DCHS2: variants seen among roughly 807,000 people sequenced by gnomAD.
DCHS2 encodes dachsous cadherin-related 2.
In DCHS2, 142 loss-of-function variants were observed where a neutral mutation model predicts 182.4. The observed-to-expected ratio is 0.78, with a 90% CI of 0.68 to 0.89. DCHS2 has a LOEUF of 0.89. Ranked by LOEUF, DCHS2 falls within the 40% of genes least tolerant of loss-of-function variation. DCHS2 has a pLI of 0.00. For missense variants in DCHS2, 4,319 were observed against 4,198.6 expected, an observed-to-expected ratio of 1.03 and a Z score of -0.79; for synonymous variants, 1,740 against 1,663.3, an observed-to-expected ratio of 1.05 and a Z score of -1.12.
At chr4:154,381,933 AT>A (rs1386228424) in intron 1 of DCHS2, among the ~76,000 whole-genome samples, 2 of 152,188 alleles carry the variant, frequency 1.3e-5, no homozygotes, top group Non-Finnish European at 2.9e-5. Flanking sequence ...ATAAAAAACC[AT>A]TCTAAAATTC....
intron 1 of DCHS2, among the ~76,000 whole-genome samples, chr4:154,474,354 C>T (rs1735599359): frequency 6.6e-6 from 1 of 152,184 alleles, no homozygotes; most frequent in Admixed American, 6.5e-5. Context: ...CCCAGGCACT[C>T]GTTCCTCCAT....
chr4:154,356,783 G>A (rs1200908166), intron 3 of DCHS2, among the ~76,000 whole-genome samples: 2 of 152,080 alleles, frequency 1.3e-5, no homozygotes, highest in Admixed American at 6.6e-5. Context: ...TACACTTTAT[G>A]ATGTTCACAC....
At chr4:154,389,536 A>ATATATATATATATATATATATATATG (rs1485000004) in intron 1 of DCHS2, among the ~76,000 whole-genome samples, 1 of 144,536 alleles carries the variant, frequency 6.9e-6, no homozygotes, top group African/African-American at 2.5e-5. Flanking sequence ...ATATATATAT[A>ATATATATATATATATATATATATATG]ACCTTTTTTT....
intron 13 of DCHS2, among the ~76,000 whole-genome samples, chr4:154,281,661 T>C (rs534413691): frequency 2.9e-4 from 44 of 152,232 alleles, no homozygotes; most frequent in African/African-American, 1.1e-3. Context: ...TCATTTTTTG[T>C]AGAGTTCGTA....
intron 1 of DCHS2, among the ~76,000 whole-genome samples, chr4:154,476,779 G>A (rs944592029): frequency 3.9e-5 from 6 of 152,176 alleles, no homozygotes; most frequent in Admixed American, 2.6e-4. Context: ...GACGCATTAC[G>A]TGGTATCAGG....
intron 1 of DCHS2, among the ~76,000 whole-genome samples, chr4:154,452,065 C>T (rs1734558083): frequency 6.6e-6 from 1 of 152,138 alleles, no homozygotes; most frequent in Non-Finnish European, 1.5e-5. Context: ...ACAAAGTGGC[C>T]ACACAGTCAT....
chr4:154,453,075 G>A (rs772389645), intron 1 of DCHS2, among the ~76,000 whole-genome samples: 4 of 152,080 alleles, frequency 2.6e-5, no homozygotes, highest in Non-Finnish European at 4.4e-5. Context: ...TGGGAAAGAG[G>A]AGCATTAAGA....
chr4:154,344,834 G>A (rs1048658730), intron 3 of DCHS2, among the ~76,000 whole-genome samples: 10 of 152,138 alleles, frequency 6.6e-5, no homozygotes, highest in African/African-American at 1.9e-4. Flanking sequence ...ACCTTTAAGG[G>A]CAGGGCCCAG....
At chr4:154,376,122 G>A (rs185468473) in intron 2 of DCHS2, among the ~76,000 whole-genome samples, 1 of 152,192 alleles carries the variant, frequency 6.6e-6, no homozygotes, top group East Asian at 1.9e-4. Context: ...GATGCAAAGA[G>A]GGGGCTTCTG....
rs1323034946 is a variant in DCHS2 at position 154,333,414 on chromosome 4, T to C, written c.2794A>G (p.Ile932Val). ...KFSIHPRLGT[I>V]RTRKPLDHET... Reference sequence around the variant, plus strand: ...TGATCCAGGGGCTTCCGGGTGCGAATAGTGCCCAGCCGCGGGTGAATGGAG... The same window carrying C: ...TGATCCAGGGGCTTCCGGGTGCGAACAGTGCCCAGCCGCGGGTGAATGGAG... Residue 932 changes from isoleucine to valine, a missense_variant, in exon 5 of 20, where the codon ATT (isoleucine) becomes GTT (valine). Physicochemically the swap from Ile to Val is conservative, Grantham distance 29. Transcript: ENST00000357232. 1 of 1,613,846 alleles carries C rather than the reference T, an allele frequency of 6.2e-7. No homozygotes were observed. Among genetic ancestry groups the C allele is most frequent in the Non-Finnish European group, 8.5e-7 (1 of 1,180,020 alleles).
At chr4:154,403,682 G>A (rs763390623) in intron 1 of DCHS2, among the ~76,000 whole-genome samples, 3 of 151,984 alleles carry the variant, frequency 2.0e-5, no homozygotes, top group East Asian at 1.9e-4. Context: ...ACATTCCGTC[G>A]CCCTATATTT....
intron 1 of DCHS2, among the ~76,000 whole-genome samples, chr4:154,449,249 G>A (rs1167334415): frequency 6.6e-6 from 1 of 151,070 alleles, no homozygotes; most frequent in Non-Finnish European, 1.5e-5. Context: ...TGATACAACT[G>A]TTATTTAAAT....
At position 154,490,648 on chromosome 4, in the gene DCHS2, C is replaced by T; in HGVS notation, c.708G>A (p.Leu236=). 6.4e-7 allele frequency: 1 copy of T among 1,551,310 alleles called. No individual in the cohort carries two copies. The highest frequency in any genetic ancestry group is 8.7e-7 in the Non-Finnish European group (1 of 1,146,906). Residue 236 remains leucine (L), a synonymous_variant, in exon 1 of 20, where the codon TTG becomes TTA. Coordinates refer to ENST00000357232, the MANE Select transcript of DCHS2 (RefSeq NM_001358235.2). ...RTPGPLPSPL[L]PGSSSPLEPL... ...GCTCCAGGGGTGACGAGGAGCCTGG[C>T]AAAAGCGGTGACGGTAGTGGCCCCG...
rs74808422 is a variant in DCHS2 at position 154,461,446 on chromosome 4, T to A, written c.2052+27858A>T. Among the ~76,000 whole-genome samples the A allele has an allele frequency of 1.2e-3, 179 of 152,290 alleles. 1 individual carries two copies. The East Asian group carries it at 0.031, about 27-fold the overall frequency. ...CATATCAGTATTTAGTATATCTCAG[T>A]GGGAAATTTATATTTATCTACCCTT... is the stretch of plus-strand genomic sequence containing the variant. On this transcript the variant is annotated intron_variant, in intron 1 of 19. Coordinates refer to ENST00000357232, the MANE Select transcript of DCHS2 (RefSeq NM_001358235.2).
intron 1 of DCHS2, among the ~76,000 whole-genome samples, chr4:154,479,001 A>C (rs1413063868): frequency 6.6e-6 from 1 of 152,218 alleles, no homozygotes; most frequent in Non-Finnish European, 1.5e-5. Context: ...AAAACAATTA[A>C]AGAAGCCAAA....
At chr4:154,381,903 A>G (rs1731186019) in intron 1 of DCHS2, among the ~76,000 whole-genome samples, 1 of 152,140 alleles carries the variant, frequency 6.6e-6, no homozygotes, top group South Asian at 2.1e-4. Flanking sequence ...CAAACTACCA[A>G]TGTAATTTTA....
At chr4:154,390,336 A>G (rs569423983) in intron 1 of DCHS2, among the ~76,000 whole-genome samples, 2 of 140,172 alleles carry the variant, frequency 1.4e-5, no homozygotes, top group Admixed American at 1.6e-4. Context: ...TCATTGTTCA[A>G]TTCCCACCTA....
At chr4:154,276,834 T>C (rs982226481) in intron 13 of DCHS2, among the ~76,000 whole-genome samples, 2 of 152,206 alleles carry the variant, frequency 1.3e-5, no homozygotes, top group Non-Finnish European at 2.9e-5. Flanking sequence ...AAACCAAGAA[T>C]AGTCAGATTG....
intron 15 of DCHS2, among the ~76,000 whole-genome samples, chr4:154,258,002 C>T (rs1578869272): frequency 6.6e-6 from 1 of 152,164 alleles, no homozygotes; most frequent in East Asian, 1.9e-4. Context: ...CGATGCAGGG[C>T]CCCAGTGTGG....
Sources: gnomAD v4.1 joint callset for allele counts (sites outside exome capture counted in the v4.1 genomes callset) on GRCh38, gnomAD v4.1.1 for gene constraint, MANE v1.5 for transcripts, NCBI Gene and HGNC (gene_info 2026-07-23, HGNC 2026-07-21) for gene names.